The following SLC35F1 variants were observed in gnomAD, a reference collection of about 807,000 sequenced individuals.
SLC35F1 encodes the protein chromosome 6 open reading frame 169.
In SLC35F1, 14 loss-of-function variants were observed where a neutral mutation model predicts 48.7. The ratio of observed to expected loss-of-function variants is 0.29; its 90% confidence interval spans 0.19 to 0.45. The LOEUF is 0.45. Among genes scored for constraint, SLC35F1 ranks in the 20% least tolerant of loss-of-function variants. SLC35F1 has a pLI of 1.00. For missense variants in SLC35F1, 404 were observed against 500.0 expected, an observed-to-expected ratio of 0.81 and a Z score of 1.83; for synonymous variants, 190 against 202.2, an observed-to-expected ratio of 0.94 and a Z score of 0.51.
intron 1 of SLC35F1, among the ~76,000 whole-genome samples, chr6:118,021,264 CAT>C (rs1438648202): frequency 6.6e-6 from 1 of 152,104 alleles, no homozygotes; most frequent in East Asian, 1.9e-4. Flanking sequence ...AAAGATAACT[CAT>C]AGTGTCCTAA....
At chr6:118,256,073 T>A (rs935285113) in intron 3 of SLC35F1, among the ~76,000 whole-genome samples, 3 of 152,160 alleles carry the variant, frequency 2.0e-5, no homozygotes, top group African/African-American at 7.2e-5. Context: ...CTGGTCAGAT[T>A]TTCAGATGCC....
chr6:118,104,633 A>T (rs1311667737), intron 1 of SLC35F1, among the ~76,000 whole-genome samples: 2 of 152,154 alleles, frequency 1.3e-5, no homozygotes, highest in Non-Finnish European at 2.9e-5. Context: ...TGTGGCCCCT[A>T]ATGTGATTTT....
intron 1 of SLC35F1, among the ~76,000 whole-genome samples, chr6:118,002,665 A>G (rs1282382217): frequency 1.3e-5 from 2 of 152,010 alleles, no homozygotes; most frequent in Admixed American, 6.6e-5. Context: ...TTTAAATAAT[A>G]ATTTTTTCAA....
In SLC35F1 at chr6:118,038,444, T is replaced by G. The variant is rs181808379; in HGVS notation, c.174-116001T>G. On this transcript the variant is annotated intron_variant, in intron 1 of 7. Coordinates refer to ENST00000360388, the MANE Select transcript of SLC35F1 (RefSeq NM_001029858.4). ...TGTCTTTATTTTGGTAGGGATTGTGTCAAGTCTGTAGATCAATTTGAGGAG... is the reference window on the plus strand; with the variant it reads ...TGTCTTTATTTTGGTAGGGATTGTGGCAAGTCTGTAGATCAATTTGAGGAG... Among the ~76,000 whole-genome samples the G allele has an allele frequency of 3.8e-3, 573 of 152,146 alleles. 1 individual carries two copies. The highest frequency in any genetic ancestry group is 6.8e-3 in the Middle Eastern group (2 of 294).
intron 1 of SLC35F1, among the ~76,000 whole-genome samples, chr6:118,043,749 C>G (rs1772261143): frequency 6.6e-6 from 1 of 152,180 alleles, no homozygotes; most frequent in African/African-American, 2.4e-5. Context: ...CGCTTATGCA[C>G]TTTTAGAAAA....
intron 1 of SLC35F1, among the ~76,000 whole-genome samples, chr6:118,048,712 G>C (rs1772337672): frequency 6.6e-6 from 1 of 152,154 alleles, no homozygotes; most frequent in African/African-American, 2.4e-5. Flanking sequence ...AGAAATAAAA[G>C]AGGATACAAA....
intron 4 of SLC35F1, among the ~76,000 whole-genome samples, chr6:118,273,070 ATATT>A: frequency 1.3e-5 from 2 of 150,024 alleles, no homozygotes; most frequent in African/African-American, 5.1e-5. Flanking sequence ...ATAATAAATA[ATATT>A]TAATCTTTTT....
chr6:118,244,904 T>A (rs1458620974), intron 3 of SLC35F1, among the ~76,000 whole-genome samples: 2 of 152,226 alleles, frequency 1.3e-5, no homozygotes, highest in Non-Finnish European at 2.9e-5. Flanking sequence ...AATGAAAGGA[T>A]GAATTTCTAA....
At chr6:118,021,864 C>T (rs528236594) in intron 1 of SLC35F1, among the ~76,000 whole-genome samples, 1 of 152,260 alleles carries the variant, frequency 6.6e-6, no homozygotes, top group South Asian at 2.1e-4. Flanking sequence ...GATGGTCTCT[C>T]TTCCATGTGT....
rs549324230 is a variant in SLC35F1, at chr6:118,052,274, C to T, written c.174-102171C>T. Reference sequence around the variant, plus strand: ...AAGAAATTTTTTCTTCCCCAGGTGTCGTTCACATACAATCTCAAACCACTA... The same window carrying T: ...AAGAAATTTTTTCTTCCCCAGGTGTTGTTCACATACAATCTCAAACCACTA... On this transcript the variant is annotated intron_variant, in intron 1 of 7. Transcript: ENST00000360388. Among the ~76,000 whole-genome samples, 4 of 152,246 alleles carry T rather than the reference C, an allele frequency of 2.6e-5. No individual in the cohort carries two copies. In the East Asian group the frequency reaches 5.8e-4, roughly 22 times the overall value.
At chr6:118,224,143 G>C (rs1351479567) in intron 2 of SLC35F1, among the ~76,000 whole-genome samples, 1 of 152,206 alleles carries the variant, frequency 6.6e-6, no homozygotes, top group Non-Finnish European at 1.5e-5. Flanking sequence ...AAAATAGGGA[G>C]ATTTATATGA....
intron 1 of SLC35F1, among the ~76,000 whole-genome samples, chr6:117,997,464 C>A (rs2114863257): frequency 6.6e-6 from 1 of 151,840 alleles, no homozygotes; most frequent in African/African-American, 2.4e-5. Context: ...CTCCAAGACA[C>A]ATAACTGTCA....
At chr6:118,138,886 G>A (rs1231030456) in intron 1 of SLC35F1, among the ~76,000 whole-genome samples, 2 of 152,008 alleles carry the variant, frequency 1.3e-5, no homozygotes, top group Admixed American at 6.6e-5. Context: ...GGCAACGCGT[G>A]CACCGGTGAG....
intron 1 of SLC35F1, among the ~76,000 whole-genome samples, chr6:118,068,988 A>G (rs1359602458): frequency 1.3e-5 from 2 of 152,222 alleles, no homozygotes; most frequent in Non-Finnish European, 2.9e-5. Context: ...ATGTGCCAAA[A>G]GTCATATAGG....
chr6:118,285,242 C>G lies in SLC35F1; in HGVS notation c.906C>G (p.Val302=). Residue 302 remains valine, a synonymous_variant, in exon 7 of 8, where the codon GTC becomes GTG. Coordinates refer to ENST00000360388, the MANE Select transcript of SLC35F1 (RefSeq NM_001029858.4). ...CMFGLYSFMP[V]VIKKTSATSV... is the part of the protein sequence containing the mutation. Reference sequence around the variant, plus strand: ...TTGGTCTCTACAGCTTTATGCCAGTCGTCATAAAGAAAACCAGTGCCACTT... The same window carrying G: ...TTGGTCTCTACAGCTTTATGCCAGTGGTCATAAAGAAAACCAGTGCCACTT... The G allele has an allele frequency of 1.2e-6, 2 of 1,613,866 alleles. No homozygotes were observed.
intron 1 of SLC35F1, among the ~76,000 whole-genome samples, chr6:118,065,526 C>A (rs2114283115): frequency 6.6e-6 from 1 of 152,148 alleles, no homozygotes; most frequent in Admixed American, 6.5e-5. Flanking sequence ...ATACATGTAC[C>A]AACATATCAC....
chr6:117,912,023 A>G (rs757709193), intron 1 of SLC35F1, among the ~76,000 whole-genome samples: 4 of 151,348 alleles, frequency 2.6e-5, no homozygotes, highest in Non-Finnish European at 4.4e-5. Flanking sequence ...CTTTTCCCAC[A>G]TGAGTATTAT....
chr6:118,128,783 C>A (rs1229659543), intron 1 of SLC35F1, among the ~76,000 whole-genome samples: 1 of 150,876 alleles, frequency 6.6e-6, no homozygotes, highest in African/African-American at 2.4e-5. Flanking sequence ...GCACATTGTG[C>A]ACATGTACCC....
chr6:118,264,172 G>A (rs1268924603), intron 3 of SLC35F1, among the ~76,000 whole-genome samples: 2 of 152,170 alleles, frequency 1.3e-5, no homozygotes, highest in Non-Finnish European at 2.9e-5. Flanking sequence ...AACGGTCAAG[G>A]CCCAGCAATG....
Sources: allele counts gnomAD v4.1 joint callset (sites outside exome capture counted in the v4.1 genomes callset), GRCh38; gene constraint gnomAD v4.1.1; transcripts MANE v1.5; gene names NCBI Gene and HGNC (gene_info 2026-07-23, HGNC 2026-07-21).